KIAA1210: variants seen among roughly 807,000 people sequenced by gnomAD.
KIAA1210 encodes acrosomal protein KIAA1210.
In KIAA1210, 48 loss-of-function variants were observed where a neutral mutation model predicts 78.9. That is an observed-to-expected ratio of 0.61 (90% confidence interval 0.48 to 0.77). The LOEUF is 0.77. Among genes scored for constraint, KIAA1210 ranks in the 30% least tolerant of loss-of-function variants. The probability of loss-of-function intolerance (pLI) is 0.00; values close to 1 mark genes in which losing one functional copy is unlikely to be tolerated. For missense variants in KIAA1210, 1,108 were observed against 1,100.0 expected (o/e 1.01, Z -0.10); for synonymous variants, 406 against 404.5 (o/e 1.00, Z -0.04).
intron 2 of KIAA1210, among the ~76,000 whole-genome samples, chrX:119,119,332 C>T (rs1463605264): frequency 8.9e-6 from 1 of 112,074 alleles, no homozygotes; most frequent in Non-Finnish European, 1.9e-5. Flanking sequence ...GATTATAGAA[C>T]TGTTTGCTTG....
intron 8 of KIAA1210, among the ~76,000 whole-genome samples, chrX:119,092,689 A>G (rs1282150311): frequency 1.8e-5 from 2 of 109,325 alleles, no homozygotes; most frequent in African/African-American, 3.3e-5. Flanking sequence ...TGAACTAGGG[A>G]GGTGGAGGTT....
chrX:119,144,577 G>T (rs779662801), intron 2 of KIAA1210, among the ~76,000 whole-genome samples: 1 of 111,940 alleles, frequency 8.9e-6, no homozygotes, highest in Non-Finnish European at 1.9e-5. Context: ...GGAATCCTGT[G>T]AGGGCTGAGA....
intron 10 of KIAA1210, 83 bp downstream of exon 10, chrX:119,085,299 AT>A: frequency 1.1e-6 from 1 of 899,256 alleles, no homozygotes; most frequent in Admixed American, 2.8e-5. Context: ...GGGGAGCTGC[AT>A]GTTGGCAAAG....
chrX:119,125,556 A>G (rs1159975683), intron 1 of KIAA1210, among the ~76,000 whole-genome samples: 1 of 101,228 alleles, frequency 9.9e-6, no homozygotes, highest in Non-Finnish European at 2.0e-5. Context: ...TGCTGACATT[A>G]TTTTTAGAGA....
intron 1 of KIAA1210, chrX:119,147,722 TAGAAGGCC>T (rs764519701): frequency 7.2e-6 from 5 of 695,688 alleles, no homozygotes; most frequent in Non-Finnish European, 1.1e-5. Context: ...GTCCACGGCC[TAGAAGGCC>T]AGAGGCCTGG....
Position 119,086,456 on chromosome X carries a change from T to C in KIAA1210, c.4156+90A>G, listed in dbSNP as rs760782225. The stretch of plus-strand genomic sequence containing the variant: ...TCAAAGCCACAATTCAGTAAAAGAC[T>C]AGAATAGACTTTAATGCCCATTCAA... On this transcript the variant is annotated intron_variant, in intron 9 of 11. Coordinates refer to ENST00000691062, the MANE Select transcript of KIAA1210 (RefSeq NM_001394962.1). The C allele has an allele frequency of 8.6e-5, 76 of 880,302 alleles. No homozygotes were observed. The South Asian group carries it at 1.8e-3, about 21-fold the overall frequency. 72.5% of individuals were successfully genotyped at this position (880,302 alleles called of 1,213,427 possible). A position where few individuals can be genotyped will look rare whatever the true frequency, so the allele number is the denominator to read the frequency against.
At chrX:119,150,417 T>C (rs1929267899) in exon 1 of KIAA1210, 1 of 1,209,881 alleles carries the variant, frequency 8.3e-7, no homozygotes, top group Admixed American at 2.2e-5. Context: ...TTCTTGCCTT[T>C]GTAAGTCAAC....
intron 7 of KIAA1210, chrX:119,094,029 G>A: frequency 8.3e-7 from 1 of 1,207,814 alleles, no homozygotes; most frequent in Non-Finnish European, 1.1e-6. Context: ...TAATGTCTGA[G>A]TGACACACTG....
At chrX:119,098,838 T>C (rs1461662902) in intron 6 of KIAA1210, among the ~76,000 whole-genome samples, 2 of 111,719 alleles carry the variant, frequency 1.8e-5, no homozygotes, top group African/African-American at 6.5e-5. Context: ...TGTACTACTG[T>C]ATTGGGGATA....
At chrX:119,150,989 C>T (rs1178063743), upstream of KIAA1210, among the ~76,000 whole-genome samples, 1 of 112,485 alleles carries the variant, frequency 8.9e-6, no homozygotes, top group Non-Finnish European at 1.9e-5. Context: ...CTGAGGGAGC[C>T]GCTGGCCGGT....
chrX:119,132,195 T>C (rs1928809686), upstream of KIAA1210, among the ~76,000 whole-genome samples: 1 of 112,398 alleles, frequency 8.9e-6, no homozygotes, highest in South Asian at 3.7e-4. Context: ...CGATTGAGCC[T>C]TGTGAGACCC....
intron 2 of KIAA1210, 111 bp downstream of exon 2, chrX:119,123,471 G>C: frequency 1.9e-6 from 1 of 528,772 alleles, no homozygotes; most frequent in Non-Finnish European, 3.0e-6. Context: ...ACGTGACTGA[G>C]TCTAATGATC....
chrX:119,093,803 T>A, intron 7 of KIAA1210, 28 bp from the exon 8 acceptor site: 8 of 1,149,927 alleles, frequency 7.0e-6, no homozygotes, highest in Non-Finnish European at 9.4e-6. Context: ...AGAGCTTGAA[T>A]CCTACTGAAG....
At chrX:119,119,632 C>G (rs1209950056) in intron 2 of KIAA1210, among the ~76,000 whole-genome samples, 1 of 111,673 alleles carries the variant, frequency 9.0e-6, no homozygotes, top group Non-Finnish European at 1.9e-5. Context: ...ATTGCTTGAG[C>G]TCAGGAGTTC....
chrX:119,117,905 G>A (rs765740524), intron 2 of KIAA1210, among the ~76,000 whole-genome samples: 1 of 111,312 alleles, frequency 9.0e-6, no homozygotes, highest in Non-Finnish European at 1.9e-5. Flanking sequence ...GAGCCACCAC[G>A]CCGGGCCTCT....
intron 9 of KIAA1210, 104 bp downstream of exon 9, chrX:119,086,442 A>G (rs1449410103): frequency 1.3e-6 from 1 of 796,437 alleles, no homozygotes; most frequent in African/African-American, 2.1e-5. Flanking sequence ...CAAAGCCACA[A>G]TTCAGTAAAA....
At position 119,122,308 on chromosome X, in the gene KIAA1210, G is replaced by A. The variant is rs188364948; in HGVS notation, c.61+1274C>T. ...TGGTCTTGAACTCCTGACCTCAAGT[G>A]ATCCAGCCACCTCGGCCTCCCAAAG... On this transcript the variant is annotated intron_variant, in intron 2 of 11. Coordinates refer to ENST00000691062, the MANE Select transcript of KIAA1210 (RefSeq NM_001394962.1). Among the ~76,000 whole-genome samples, 333 of 109,298 alleles carry A rather than the reference G, an allele frequency of 3.0e-3. 4 individuals are homozygous for A. Among genetic ancestry groups the A allele is most frequent in the African/African-American group, 0.011 (317 of 29,944 alleles). The allele number at this position is 109,298 out of a possible 115,157, so 94.9% of individuals were successfully genotyped here. A position where few individuals can be genotyped will look rare whatever the true frequency, so the allele number is the denominator to read the frequency against.
At position 119,089,591 on chromosome X, in the gene KIAA1210, A is replaced by G. The variant is rs769018856; in HGVS notation, c.1111T>C (p.Leu371=). 1 of 1,211,065 alleles carries G rather than the reference A, an allele frequency of 8.3e-7. No individual in the cohort carries two copies. The highest frequency in any genetic ancestry group is 1.8e-5 in the South Asian group (1 of 56,884). ...WRRKGASVSG[L]SGCEFKGRSL... ...CTTCCTTTGAATTCACACCCACTCA[A>G]TCCTGAAACACTTGCTCCTTTTCTT... Residue 371 remains leucine, a synonymous_variant, in exon 9 of 12, where the codon TTG becomes CTG. Coordinates refer to ENST00000691062, the MANE Select transcript of KIAA1210 (RefSeq NM_001394962.1).
intron 2 of KIAA1210, among the ~76,000 whole-genome samples, chrX:119,139,485 C>T (rs1384912219): frequency 9.0e-6 from 1 of 111,495 alleles, no homozygotes; most frequent in Admixed American, 9.5e-5. Flanking sequence ...CACTATATCA[C>T]TCATATAAAG....
Sources: allele counts gnomAD v4.1 joint callset (sites outside exome capture counted in the v4.1 genomes callset), GRCh38; gene constraint gnomAD v4.1.1; transcripts MANE v1.5; gene names NCBI Gene and HGNC (gene_info 2026-07-23, HGNC 2026-07-21).